CADM2: variants seen among roughly 807,000 people sequenced by gnomAD.
CADM2 encodes the protein cell adhesion molecule 2.
CADM2 carries 12 observed loss-of-function variants against 49.8 expected under a neutral mutation model. That is an observed-to-expected ratio of 0.24 (90% CI 0.15 to 0.39). The LOEUF (loss-of-function observed/expected upper bound fraction) is 0.39. Ranked by LOEUF, CADM2 falls within the 10% of genes least tolerant of loss-of-function variation. The pLI is 1.00. For missense variants in CADM2, 378 were observed against 492.3 expected (o/e 0.77, Z 2.20); for synonymous variants, 214 against 175.4 (o/e 1.22, Z -1.74).
chr3:85,900,751 T>C (rs1381302255), intron 5 of CADM2, among the ~76,000 whole-genome samples: 1 of 152,188 alleles, frequency 6.6e-6, no homozygotes, highest in Non-Finnish European at 1.5e-5. Flanking sequence ...ATAGCTCTCA[T>C]CCGGTGATGG....
intron 1 of CADM2, among the ~76,000 whole-genome samples, chr3:85,545,994 C>T (rs943132751): frequency 2.0e-4 from 31 of 152,202 alleles, no homozygotes; most frequent in African/African-American, 7.2e-4. Context: ...ATGGGAAAGC[C>T]ACAATTTTAG....
intron 8 of CADM2, among the ~76,000 whole-genome samples, chr3:85,982,554 A>C (rs1332540619): frequency 6.6e-6 from 1 of 151,666 alleles, no homozygotes; most frequent in Non-Finnish European, 1.5e-5. Context: ...TATCCTCATC[A>C]AACATCTGAG....
rs1182370318 is a variant in CADM2, at chr3:85,024,618, TATG to T, written c.61+64953_61+64955del. ...TATAAAATTATTTATGAGATGTTAC[TATG>T]ATATCGATTTACAGTCAGAGGGAAA... is the stretch of plus-strand genomic sequence containing the variant. On this transcript the variant is annotated intron_variant, in intron 1 of 9. Coordinates refer to ENST00000383699, the MANE Select transcript of CADM2 (RefSeq NM_001167675.2). Among the ~76,000 whole-genome samples, 17 of 152,018 alleles carry T rather than the reference TATG, an allele frequency of 1.1e-4. No individual in the cohort carries two copies. The East Asian group carries it at 2.3e-3, about 21-fold the overall frequency.
chr3:85,832,144 A>T (rs1166480449), intron 3 of CADM2, among the ~76,000 whole-genome samples: 1 of 151,766 alleles, frequency 6.6e-6, no homozygotes, highest in Non-Finnish European at 1.5e-5. Flanking sequence ...GATTGAAGGT[A>T]TTTGGCTTTA....
In CADM2 at chr3:85,952,013, T is replaced by C. The variant is rs572376374; in HGVS notation, c.792-9456T>C. On this transcript the variant is annotated intron_variant, in intron 7 of 9. Transcript: ENST00000383699. ...AAATAGTGGGCCCCTCAGTTAAGAC[T>C]GGAGGTTTTGATGATATATAAGAAA... 2.7e-5 allele frequency among the ~76,000 whole-genome samples: 4 copies of C among 150,928 alleles called. No homozygotes were observed. The Admixed American group carries it at 2.7e-4, about 10-fold the overall frequency.
At chr3:85,215,374 A>G (rs2041898014) in intron 1 of CADM2, among the ~76,000 whole-genome samples, 2 of 151,402 alleles carry the variant, frequency 1.3e-5, no homozygotes, top group Middle Eastern at 3.4e-3. Flanking sequence ...AAAAAAAAAA[A>G]AAAAAAAAGA....
intron 1 of CADM2, among the ~76,000 whole-genome samples, chr3:85,383,847 A>T (rs1007925157): frequency 6.6e-6 from 1 of 152,036 alleles, no homozygotes; most frequent in Non-Finnish European, 1.5e-5. Flanking sequence ...ACCACTATAT[A>T]GTATTTTGTT....
At chr3:85,033,080 G>A (rs1453636167) in intron 1 of CADM2, among the ~76,000 whole-genome samples, 1 of 151,904 alleles carries the variant, frequency 6.6e-6, no homozygotes, top group Non-Finnish European at 1.5e-5. Context: ...CTGATGTTTT[G>A]CTTTCGTTTT....
chr3:85,057,879 G>A (rs1367850346), intron 1 of CADM2, among the ~76,000 whole-genome samples: 2 of 152,122 alleles, frequency 1.3e-5, no homozygotes. Context: ...GCCTTAACAT[G>A]TGGGGTTGTT....
intron 1 of CADM2, among the ~76,000 whole-genome samples, chr3:85,503,311 T>A (rs1480067977): frequency 6.6e-6 from 1 of 152,186 alleles, no homozygotes; most frequent in Non-Finnish European, 1.5e-5. Flanking sequence ...GCTCAGGAAG[T>A]CAAATGCATT....
At chr3:86,047,246 G>C (rs913140026) in intron 8 of CADM2, among the ~76,000 whole-genome samples, 1 of 152,082 alleles carries the variant, frequency 6.6e-6, no homozygotes, top group African/African-American at 2.4e-5. Context: ...TAATATTTCT[G>C]TCTGTTTAAG....
chr3:85,276,702 A>G (rs1293967042), intron 1 of CADM2, among the ~76,000 whole-genome samples: 1 of 151,312 alleles, frequency 6.6e-6, no homozygotes, highest in Admixed American at 6.6e-5. Flanking sequence ...TTATGAAAAA[A>G]AAAGCTTGGG....
At chr3:85,838,314 T>C (rs2074490623) in intron 3 of CADM2, among the ~76,000 whole-genome samples, 1 of 151,656 alleles carries the variant, frequency 6.6e-6, no homozygotes, top group Non-Finnish European at 1.5e-5. Context: ...AAAATAAAAA[T>C]GTAGGGCCCT....
intron 1 of CADM2, among the ~76,000 whole-genome samples, chr3:85,637,462 C>A (rs1398734183): frequency 2.0e-5 from 3 of 147,900 alleles, no homozygotes; most frequent in Non-Finnish European, 4.5e-5. Flanking sequence ...ATTAGCTGGG[C>A]GCGGTGGCGG....
chr3:85,699,917 G>T (rs1023961244), intron 1 of CADM2, among the ~76,000 whole-genome samples: 1 of 152,052 alleles, frequency 6.6e-6, no homozygotes, highest in Non-Finnish European at 1.5e-5. Flanking sequence ...TTTATGCTCT[G>T]CTTATCCTTT....
At chr3:85,946,026 A>G (rs1722646222) in intron 7 of CADM2, among the ~76,000 whole-genome samples, 1 of 152,100 alleles carries the variant, frequency 6.6e-6, no homozygotes, top group South Asian at 2.1e-4. Flanking sequence ...ATATCTAGAA[A>G]ACCCCATCAT....
At chr3:84,995,610 A>G (rs1192298617) in intron 1 of CADM2, among the ~76,000 whole-genome samples, 1 of 152,322 alleles carries the variant, frequency 6.6e-6, no homozygotes, top group East Asian at 1.9e-4. Flanking sequence ...CATACTTCAG[A>G]CAATTTCTGG....
chr3:85,520,626 A>G (rs62252460), intron 1 of CADM2, among the ~76,000 whole-genome samples: 46,634 of 151,928 alleles, frequency 0.31, 8,152 homozygotes, highest in East Asian at 0.55. Context: ...GGATGTTTAT[A>G]TAGATTCATC....
intron 3 of CADM2, among the ~76,000 whole-genome samples, chr3:85,858,016 C>T (rs962431676): frequency 6.6e-6 from 1 of 152,054 alleles, no homozygotes; most frequent in Non-Finnish European, 1.5e-5. Context: ...ACTTTCAGTC[C>T]TAATCATTTT....
Sources: allele counts gnomAD v4.1 joint callset (sites outside exome capture counted in the v4.1 genomes callset), GRCh38; gene constraint gnomAD v4.1.1; transcripts MANE v1.5; gene names NCBI Gene and HGNC (gene_info 2026-07-23, HGNC 2026-07-21).